The following PCCA variants were observed in gnomAD, a reference collection of about 807,000 sequenced individuals.
PCCA encodes the protein propionyl-CoA carboxylase subunit alpha.
In PCCA, 74 loss-of-function variants were observed where a neutral mutation model predicts 101.3. That is an observed-to-expected ratio of 0.73 (90% confidence interval 0.61 to 0.89). The LOEUF is 0.89. Ranked by LOEUF, PCCA falls within the 40% of genes least tolerant of loss-of-function variation. PCCA has a pLI of 0.00. For missense variants in PCCA, 891 were observed against 907.0 expected, an observed-to-expected ratio of 0.98 and a Z score of 0.23; for synonymous variants, 294 against 313.6, an observed-to-expected ratio of 0.94 and a Z score of 0.66.
At chr13:100,520,634 CAAAAAAA>C (rs374566196) in intron 22 of PCCA, among the ~76,000 whole-genome samples, 4 of 68,274 alleles carry the variant, frequency 5.9e-5, no homozygotes, top group African/African-American at 1.8e-4. Flanking sequence ...GACTCCGTCT[CAAAAAAA>C]AAAAAAAAAA....
rs370902312 is a variant in PCCA, at chr13:100,122,796, A to G, written c.300+10735A>G. Among the ~76,000 whole-genome samples the G allele has an allele frequency of 1.1e-4, 17 of 152,254 alleles. No individual in the cohort carries two copies. The East Asian group carries it at 3.3e-3, about 29-fold the overall frequency. ...TTATTTCTCATAGTTCTGGAGGCTG[A>G]TAAGTCAAGATTGAGGCACTGTTAG... On this transcript the variant is annotated intron_variant, in intron 4 of 23. Coordinates refer to ENST00000376285, the MANE Select transcript of PCCA (RefSeq NM_000282.4).
chr13:100,284,239 C>T (rs1276628942), intron 12 of PCCA, among the ~76,000 whole-genome samples: 1 of 152,184 alleles, frequency 6.6e-6, no homozygotes, highest in African/African-American at 2.4e-5. Flanking sequence ...TCTTGTTGTG[C>T]CTGAAAGTCC....
intron 19 of PCCA, among the ~76,000 whole-genome samples, chr13:100,370,935 G>C (rs2075537244): frequency 6.6e-6 from 1 of 152,086 alleles, no homozygotes; most frequent in Admixed American, 6.6e-5. Context: ...GCAGGCAAAG[G>C]CTTTACTGAG....
chr13:100,328,216 A>G (rs973312576), intron 16 of PCCA, among the ~76,000 whole-genome samples: 1 of 151,954 alleles, frequency 6.6e-6, no homozygotes, highest in African/African-American at 2.4e-5. Flanking sequence ...TACAAAAATT[A>G]GCTGGGTGTG....
chr13:100,233,418 A>G (rs2152518068), intron 7 of PCCA, among the ~76,000 whole-genome samples: 1 of 152,198 alleles, frequency 6.6e-6, no homozygotes, highest in African/African-American at 2.4e-5. Flanking sequence ...TTTTGTGATG[A>G]TTGTTGGTCC....
intron 7 of PCCA, among the ~76,000 whole-genome samples, chr13:100,215,643 T>G (rs2059467240): frequency 6.6e-6 from 1 of 152,144 alleles, no homozygotes; most frequent in African/African-American, 2.4e-5. Flanking sequence ...TATTTTTATA[T>G]ATTTATTTTT....
At chr13:100,437,556 T>C (rs1202161382) in intron 20 of PCCA, among the ~76,000 whole-genome samples, 1 of 151,330 alleles carries the variant, frequency 6.6e-6, no homozygotes, top group East Asian at 1.9e-4. Context: ...TTTTTACCAG[T>C]GTTTCTGTTT....
At chr13:100,117,565 T>C (rs1275229509) in intron 4 of PCCA, among the ~76,000 whole-genome samples, 2 of 151,864 alleles carry the variant, frequency 1.3e-5, no homozygotes, top group African/African-American at 4.8e-5. Flanking sequence ...TAGGTGGGAA[T>C]TGAACAATGA....
chr13:100,309,707 C>A, intron 15 of PCCA, 126 bp from the exon 16 acceptor site: 1 of 623,224 alleles, frequency 1.6e-6, no homozygotes, highest in Non-Finnish European at 2.8e-6. Context: ...GAAAACTGAA[C>A]TATCATAAAA....
At chr13:100,110,794 GT>G (rs541345246) in intron 2 of PCCA, among the ~76,000 whole-genome samples, 1 of 151,534 alleles carries the variant, frequency 6.6e-6, no homozygotes, top group Non-Finnish European at 1.5e-5. Context: ...TGGCCAAAGT[GT>G]TTTTTTTGTT....
At chr13:100,142,459 A>G (rs999796046) in intron 4 of PCCA, among the ~76,000 whole-genome samples, 1 of 150,668 alleles carries the variant, frequency 6.6e-6, no homozygotes, top group African/African-American at 2.4e-5. Flanking sequence ...AATCTCTATG[A>G]GATGAAATGA....
intron 19 of PCCA, among the ~76,000 whole-genome samples, chr13:100,412,984 A>T (rs2078144578): frequency 6.6e-6 from 1 of 152,226 alleles, no homozygotes; most frequent in East Asian, 1.9e-4. Context: ...TTGTATTATA[A>T]TGTAAAATAT....
At position 100,260,399 on chromosome 13, in the gene PCCA, T is replaced by G. The variant is rs9554673; in HGVS notation, c.717-2330T>G. On this transcript the variant is annotated intron_variant, in intron 9 of 23. Coordinates refer to ENST00000376285, the MANE Select transcript of PCCA (RefSeq NM_000282.4). Reference sequence around the variant, plus strand: ...ATTAGTTGTGTGTGTGTGTGTGTGTTTTTTTTTTTTTTTTTGAGATGGAGT... The same window carrying G: ...ATTAGTTGTGTGTGTGTGTGTGTGTGTTTTTTTTTTTTTTTGAGATGGAGT... Among the ~76,000 whole-genome samples, 495 of 131,044 alleles carry G rather than the reference T, an allele frequency of 3.8e-3. 4 individuals are homozygous for G. The highest frequency in any genetic ancestry group is 7.9e-3 in the African/African-American group (280 of 35,234). The allele number at this position is 131,044 out of a possible 152,430, so 86.0% of individuals were successfully genotyped here. A position where few individuals can be genotyped will look rare whatever the true frequency, so the allele number is the denominator to read the frequency against.
chr13:100,276,088 C>T (rs1327668003), intron 12 of PCCA, among the ~76,000 whole-genome samples: 4 of 151,800 alleles, frequency 2.6e-5, no homozygotes, highest in Non-Finnish European at 4.4e-5. Context: ...TCTTCTTAGA[C>T]GTCTTGGCTG....
At chr13:100,238,811 T>C (rs1295520873) in intron 8 of PCCA, among the ~76,000 whole-genome samples, 2 of 152,246 alleles carry the variant, frequency 1.3e-5, no homozygotes, top group African/African-American at 2.4e-5. Flanking sequence ...TATTGAGATA[T>C]ATCACATTTT....
intron 18 of PCCA, among the ~76,000 whole-genome samples, chr13:100,356,132 C>A (rs2073935868): frequency 6.6e-6 from 1 of 152,042 alleles, no homozygotes; most frequent in African/African-American, 2.4e-5. Context: ...AATCATAGAC[C>A]TAAATGTAAC....
At chr13:100,140,685 A>G (rs962134802) in intron 4 of PCCA, among the ~76,000 whole-genome samples, 1 of 152,196 alleles carries the variant, frequency 6.6e-6, no homozygotes, top group Admixed American at 6.5e-5. Context: ...TTCCAAGTCT[A>G]TAAATACTTG....
intron 8 of PCCA, among the ~76,000 whole-genome samples, chr13:100,236,095 T>G (rs1193520945): frequency 1.3e-5 from 2 of 152,216 alleles, no homozygotes; most frequent in Admixed American, 1.3e-4. Context: ...ACATAACTCT[T>G]TTGTAAGATG....
chr13:100,232,392 G>GTGTGTGTGTGTGTGTGT (rs3034687), intron 7 of PCCA, among the ~76,000 whole-genome samples: 2 of 148,814 alleles, frequency 1.3e-5, no homozygotes, highest in Admixed American at 6.7e-5. Context: ...GTGTGTGTGT[G>GTGTGTGTGTGTGTGTGT]GTTTTAGAGA....
Sources: allele counts gnomAD v4.1 joint callset (sites outside exome capture counted in the v4.1 genomes callset), GRCh38; gene constraint gnomAD v4.1.1; transcripts MANE v1.5; gene names NCBI Gene and HGNC (gene_info 2026-07-23, HGNC 2026-07-21).